Variants in FBXO16 observed in about 807,000 individuals in gnomAD.
FBXO16 encodes F-box protein 16.
FBXO16 carries 31 observed loss-of-function variants against 41.0 expected under a neutral mutation model. That is an observed-to-expected ratio of 0.76 (90% CI 0.57 to 1.02). The LOEUF (loss-of-function observed/expected upper bound fraction) is 1.02, where lower values mean the gene tolerates loss of function less well. FBXO16 is among the 50% of genes least tolerant of loss of function. The probability of loss-of-function intolerance (pLI) is 0.00; values close to 1 mark genes in which losing one functional copy is unlikely to be tolerated. For synonymous variants in FBXO16, 133 were observed against 117.8 expected (o/e 1.13, Z -0.84); for missense variants, 361 against 346.2 (o/e 1.04, Z -0.34).
At chr8:28,469,518 C>T (rs1401447972) in intron 3 of FBXO16, among the ~76,000 whole-genome samples, 1 of 152,158 alleles carries the variant, frequency 6.6e-6, no homozygotes, top group Non-Finnish European at 1.5e-5. Context: ...CATTTCTATA[C>T]ATTCACACAC....
intron 4 of FBXO16, among the ~76,000 whole-genome samples, chr8:28,462,372 A>G (rs376624581): frequency 8.9e-5 from 13 of 146,636 alleles, no homozygotes; most frequent in East Asian, 4.1e-4. Flanking sequence ...TCTGCCTCCC[A>G]GGTTCACGCC....
At chr8:28,459,918 C>T (rs78197568) in intron 4 of FBXO16, among the ~76,000 whole-genome samples, 5,029 of 150,546 alleles carry the variant, frequency 0.033, 264 homozygotes, top group African/African-American at 0.12. Flanking sequence ...CTCAGCTACT[C>T]GAGATTCTGA....
At chr8:28,443,827 T>A (rs1235551041) in intron 7 of FBXO16, among the ~76,000 whole-genome samples, 1 of 152,140 alleles carries the variant, frequency 6.6e-6, no homozygotes, top group East Asian at 1.9e-4. Context: ...CTGGTCATAC[T>A]CACTGCTACA....
chr8:28,455,242 A>ATT (rs55790277), intron 5 of FBXO16, among the ~76,000 whole-genome samples: 6 of 144,882 alleles, frequency 4.1e-5, no homozygotes, highest in South Asian at 2.2e-4. Flanking sequence ...TGCTCAGCTA[A>ATT]TTTTTTTTTT....
At chr8:28,437,535 A>G (rs1802704417) in intron 7 of FBXO16, among the ~76,000 whole-genome samples, 1 of 152,210 alleles carries the variant, frequency 6.6e-6, no homozygotes, top group African/African-American at 2.4e-5. Flanking sequence ...CATGGCACTG[A>G]GTTCAACACA....
At chr8:28,460,245 ATTTTTTT>A (rs34429050) in intron 4 of FBXO16, among the ~76,000 whole-genome samples, 2 of 85,484 alleles carry the variant, frequency 2.3e-5, no homozygotes, top group African/African-American at 6.3e-5. Flanking sequence ...ATATATATAT[ATTTTTTT>A]TTTTTTTTTT....
At chr8:28,441,728 C>G (rs1336530055) in intron 7 of FBXO16, among the ~76,000 whole-genome samples, 1 of 137,950 alleles carries the variant, frequency 7.2e-6, no homozygotes, top group Non-Finnish European at 1.6e-5. Context: ...AAGAGTGAAA[C>G]TCCGTCTCAA....
At chr8:28,467,403 G>T (rs1046652488) in intron 3 of FBXO16, among the ~76,000 whole-genome samples, 1 of 151,972 alleles carries the variant, frequency 6.6e-6, no homozygotes, top group African/African-American at 2.4e-5. Context: ...TGTCAGCCTC[G>T]ATTTCCTCAT....
At chr8:28,449,969 CAAAAAAAAAAGAAAAA>C (rs1263968616) in intron 6 of FBXO16, among the ~76,000 whole-genome samples, 7 of 100,966 alleles carry the variant, frequency 6.9e-5, no homozygotes, top group East Asian at 2.6e-4. Context: ...AAGACTGTCT[CAAAAAAAAAAGAAAAA>C]AAAAAAAAAA....
intron 4 of FBXO16, among the ~76,000 whole-genome samples, chr8:28,461,947 CT>C (rs898005660): frequency 2.2e-4 from 33 of 149,280 alleles, no homozygotes; most frequent in East Asian, 9.8e-4. Context: ...TTGAATAATA[CT>C]TTTTTTTTTG....
At chr8:28,490,086 C>A (rs574934398) in intron 1 of FBXO16, 100 bp downstream of exon 1, 2 of 152,136 alleles carry the variant, frequency 1.3e-5, no homozygotes, top group African/African-American at 2.4e-5. Context: ...TGAGAGGGCA[C>A]AATGAAATCC....
intron 3 of FBXO16, among the ~76,000 whole-genome samples, chr8:28,471,805 C>CAAAAAAA (rs557259701): frequency 4.2e-5 from 1 of 23,728 alleles, no homozygotes; most frequent in African/African-American, 7.8e-5. Flanking sequence ...CAGAGAATCT[C>CAAAAAAA]AAAAAAAAAA....
chr8:28,450,343 G>A (rs1360031647), intron 6 of FBXO16, among the ~76,000 whole-genome samples: 2 of 152,154 alleles, frequency 1.3e-5, no homozygotes, highest in African/African-American at 4.8e-5. Flanking sequence ...GACCTAAACT[G>A]CAGAACTAAA....
At position 28,428,697 on chromosome 8, in the gene FBXO16, G is replaced by A. The variant is rs761548673; in HGVS notation, c.*30C>T. 10 of 1,574,598 alleles carry A rather than the reference G, an allele frequency of 6.4e-6. No homozygotes were observed. In the East Asian group the frequency reaches 1.9e-4, roughly 30 times the overall value. On this transcript the variant is annotated 3_prime_UTR_variant, in exon 9 of 9. Coordinates refer to ENST00000380254, the MANE Select transcript of FBXO16 (RefSeq NM_172366.4). ...GACTCAGGGGGAGGCCAGGCGAGAT[G>A]AGCTGGAACTTTTAGGGGAGAGCTG... is the stretch of plus-strand genomic sequence containing the variant.
rs1803157780 is a variant in FBXO16, at chr8:28,462,740, A to G, written c.342+872T>C. ...TAATTTAACTTCACTTTAATACAGG[A>G]CAGAATTACTTGTAAAAGAAAAAAA... is the stretch of plus-strand genomic sequence containing the variant. On this transcript the variant is annotated intron_variant, in intron 4 of 8. Transcript: ENST00000380254. Among the ~76,000 whole-genome samples, 8 of 152,198 alleles carry G rather than the reference A, an allele frequency of 5.3e-5. No individual in the cohort carries two copies. In the South Asian group the frequency reaches 1.7e-3, roughly 32 times the overall value.
intron 3 of FBXO16, among the ~76,000 whole-genome samples, chr8:28,469,832 C>T (rs1238741682): frequency 6.6e-6 from 1 of 152,002 alleles, no homozygotes; most frequent in Non-Finnish European, 1.5e-5. Flanking sequence ...ACCCAGGAGG[C>T]GGAGGTTGCA....
At position 28,456,974 on chromosome 8, in the gene FBXO16, C is replaced by T. The variant is rs759572554; in HGVS notation, c.343-44G>A. On this transcript the variant is annotated intron_variant, in intron 4 of 8. Coordinates refer to ENST00000380254, the MANE Select transcript of FBXO16 (RefSeq NM_172366.4). ...TTAAACAAAACCAAATCAAACAACC[C>T]CTTCAGTTTACATGCCCACTTTCTC... 8 of 1,582,920 alleles carry T rather than the reference C, an allele frequency of 5.1e-6. No individual in the cohort carries two copies. The South Asian group carries it at 8.1e-5, about 16-fold the overall frequency.
At chr8:28,447,020 G>GCTTCT in intron 7 of FBXO16, 151 bp downstream of exon 7, 1 of 623,472 alleles carries the variant, frequency 1.6e-6, no homozygotes, top group Non-Finnish European at 2.7e-6. Context: ...CAAGGTCATG[G>GCTTCT]CTTCTCTGCC....
At chr8:28,463,280 G>A (rs1463853585) in intron 4 of FBXO16, among the ~76,000 whole-genome samples, 1 of 151,632 alleles carries the variant, frequency 6.6e-6, no homozygotes, top group East Asian at 1.9e-4. Flanking sequence ...GTGTGTGCAT[G>A]TGTATATGTA....
Sources: gnomAD v4.1 joint callset for allele counts (sites outside exome capture counted in the v4.1 genomes callset) on GRCh38, gnomAD v4.1.1 for gene constraint, MANE v1.5 for transcripts, NCBI Gene and HGNC (gene_info 2026-07-23, HGNC 2026-07-21) for gene names.